The following ANKRD30B variants were observed in gnomAD, a reference collection of about 807,000 sequenced individuals.
ANKRD30B encodes the protein ankyrin repeat domain-containing protein 30B.
In ANKRD30B, 144 loss-of-function variants were observed where a neutral mutation model predicts 202.2. The observed-to-expected ratio is 0.71, with a 90% CI of 0.62 to 0.82. The LOEUF (loss-of-function observed/expected upper bound fraction) is 0.82, where lower values mean the gene tolerates loss of function less well. Ranked by LOEUF, ANKRD30B falls within the 40% of genes least tolerant of loss-of-function variation. The probability of loss-of-function intolerance (pLI) is 0.00; values close to 1 mark genes in which losing one functional copy is unlikely to be tolerated. For synonymous variants in ANKRD30B, 508 were observed against 561.3 expected, an observed-to-expected ratio of 0.91 and a Z score of 1.34; for missense variants, 1,487 against 1,669.1, an observed-to-expected ratio of 0.89 and a Z score of 1.90.
In ANKRD30B at chr18:14,808,747, A is replaced by T; in HGVS notation, c.2386+3A>T. ...GGACAGAGAAACACTCAAAGCAGGTAAATTTTGTAATTTAAATTTTAATCT... is the reference window on the plus strand; with the variant it reads ...GGACAGAGAAACACTCAAAGCAGGTTAATTTTGTAATTTAAATTTTAATCT... On this transcript the variant is annotated splice_donor_region_variant and intron_variant, in intron 26 of 43. Coordinates refer to ENST00000690538, the MANE Select transcript of ANKRD30B (RefSeq NM_001367607.2). 1.4e-6 allele frequency: 2 copies of T among 1,450,820 alleles called. No homozygotes were observed. Among genetic ancestry groups the T allele is most frequent in the Non-Finnish European group, 1.9e-6 (2 of 1,074,958 alleles). The allele number at this position is 1,450,820 out of a possible 1,614,324, so 89.9% of individuals were successfully genotyped here. A position where few individuals can be genotyped will look rare whatever the true frequency, so the allele number is the denominator to read the frequency against.
In ANKRD30B at chr18:14,784,468, C is replaced by T. The variant is rs181736144; in HGVS notation, c.1605C>T (p.Ala535=). 1,087 of 1,612,900 alleles carry T rather than the reference C, an allele frequency of 6.7e-4. 1 individual carries two copies. The highest frequency in any genetic ancestry group is 8.8e-4 in the Non-Finnish European group (1,033 of 1,179,316). ...TTTCTTCCAAACCCATTTAGCCTGC[C>T]GTTGAAATGCAAAAGACTGTTCCAA... ...LPEKPSAFKP[A]VEMQKTVPNK... Residue 535 remains alanine, a synonymous_variant, in exon 14 of 44, where the codon GCC becomes GCT. Transcript: ENST00000690538.
chr18:14,888,775 C>T, the ANKRD30B span: 18 of 1,128,722 alleles, frequency 1.6e-5, no homozygotes, highest in Non-Finnish European at 2.2e-5. Context: ...TTAGAGGAAT[C>T]CCCTTTTGAT....
At chr18:14,867,577 G>A in the ANKRD30B span, among the ~76,000 whole-genome samples, 628 of 152,320 alleles carry the variant, frequency 4.1e-3, 3 homozygotes, top group Non-Finnish European at 6.8e-3. Flanking sequence ...GTGTTGTGGA[G>A]ACCATCTGGG....
the ANKRD30B span, among the ~76,000 whole-genome samples, chr18:14,870,978 C>G: frequency 1.3e-5 from 2 of 149,086 alleles, no homozygotes; most frequent in Non-Finnish European, 3.0e-5. Context: ...CACCCTAACC[C>G]ACACACTCTC....
intron 3 of ANKRD30B, among the ~76,000 whole-genome samples, chr18:14,754,267 A>G (rs1913971524): frequency 6.6e-6 from 1 of 152,070 alleles, no homozygotes. Context: ...CCTACAGGAA[A>G]CCTCCATTTT....
chr18:14,922,008 A>G, the ANKRD30B span, among the ~76,000 whole-genome samples: 5 of 152,256 alleles, frequency 3.3e-5, no homozygotes, highest in Admixed American at 1.3e-4. Flanking sequence ...ACCAAGAATC[A>G]GGTGAGCAAT....
chr18:14,828,920 T>A (rs1310505247), intron 33 of ANKRD30B, among the ~76,000 whole-genome samples: 1 of 152,210 alleles, frequency 6.6e-6, no homozygotes, highest in Non-Finnish European at 1.5e-5. Flanking sequence ...GGAGAATATC[T>A]ACATATAGAT....
chr18:14,775,918 A>C (rs1397618402), intron 9 of ANKRD30B, among the ~76,000 whole-genome samples: 2 of 152,250 alleles, frequency 1.3e-5, no homozygotes, highest in Non-Finnish European at 2.9e-5. Context: ...AATAGCGCTC[A>C]TATCTACCTC....
intron 41 of ANKRD30B, among the ~76,000 whole-genome samples, chr18:14,851,022 T>G (rs1010675044): frequency 2.0e-5 from 3 of 151,914 alleles, no homozygotes; most frequent in Non-Finnish European, 4.4e-5. Flanking sequence ...TTAACTATAT[T>G]TTTTAGAAAC....
chr18:14,756,267 TA>T (rs1368278038), intron 4 of ANKRD30B, among the ~76,000 whole-genome samples: 2 of 152,364 alleles, frequency 1.3e-5, no homozygotes, highest in East Asian at 3.9e-4. Flanking sequence ...TTTTTTCTTG[TA>T]AATTTGTTTG....
At chr18:14,841,549 A>G (rs1032533464) in intron 37 of ANKRD30B, among the ~76,000 whole-genome samples, 15 of 152,344 alleles carry the variant, frequency 9.8e-5, no homozygotes, top group African/African-American at 2.4e-4. Flanking sequence ...GTAAAGAAAT[A>G]GTAATTACAG....
At position 14,757,910 on chromosome 18, in the gene ANKRD30B, G is replaced by T; in HGVS notation, c.713G>T (p.Gly238Val). The T allele has an allele frequency of 6.2e-7, 1 of 1,610,368 alleles. No homozygotes were observed. The highest frequency in any genetic ancestry group is 8.5e-7 in the Non-Finnish European group (1 of 1,177,950). The stretch of plus-strand genomic sequence containing the variant: ...GACGTCTTTGCTGAAGACATACATG[G>T]AATAACTGCAGAACGTTATGCTGCT... ...NVDVFAEDIH[G>V]ITAERYAAAC... Residue 238 changes from glycine (G) to valine (V), a missense_variant, in exon 5 of 44, where the codon GGA becomes GTA. By Grantham distance (109) the Gly-to-Val change is moderately radical. Transcript: ENST00000690538.
At chr18:14,830,144 G>A (rs924708918) in intron 33 of ANKRD30B, 2 of 154,670 alleles carry the variant, frequency 1.3e-5, no homozygotes, top group African/African-American at 4.8e-5. Flanking sequence ...ATATTTAAAG[G>A]TTGGAGACTG....
chr18:14,827,788 T>A (rs908455769), intron 32 of ANKRD30B, among the ~76,000 whole-genome samples: 2 of 152,224 alleles, frequency 1.3e-5, no homozygotes, highest in African/African-American at 4.8e-5. Context: ...GTCAGTCTTA[T>A]AGGGTTCTGT....
chr18:14,769,287 T>C (rs749948743), intron 7 of ANKRD30B, 56 bp from the exon 8 acceptor site: 104 of 1,322,820 alleles, frequency 7.9e-5, no homozygotes, highest in Non-Finnish European at 1.0e-4. Flanking sequence ...GTTAATACTC[T>C]GTATTTTCTA....
At chr18:14,868,218 G>A in the ANKRD30B span, among the ~76,000 whole-genome samples, 1 of 152,294 alleles carries the variant, frequency 6.6e-6, no homozygotes, top group Non-Finnish European at 1.5e-5. Flanking sequence ...GGAGGGCTTT[G>A]GGGCCTGGCC....
At position 14,754,955 on chromosome 18, in the gene ANKRD30B, A is replaced by AT; in HGVS notation, c.572dup (p.Leu191PhefsTer12). 1 of 1,555,260 alleles carries AT rather than the reference A, an allele frequency of 6.4e-7. No homozygotes were observed. The highest frequency in any genetic ancestry group is 2.4e-5 in the East Asian group (1 of 41,788). The stretch of plus-strand genomic sequence containing the variant: ...AGAAAAGAAGCAAGCAAACTGTGGA[A>AT]TTTTTACTAACAAAAAATGCAAATG... On this transcript the variant is annotated frameshift_variant, in exon 4 of 44. Coordinates refer to ENST00000690538, the MANE Select transcript of ANKRD30B (RefSeq NM_001367607.2). LOFTEE classifies it high-confidence loss of function.
At chr18:14,865,922 G>A in the ANKRD30B span, among the ~76,000 whole-genome samples, 12 of 152,100 alleles carry the variant, frequency 7.9e-5, no homozygotes, top group Non-Finnish European at 1.5e-4. Context: ...CACCATTTAT[G>A]TACTGAGGTT....
chr18:14,863,103 C>G, the ANKRD30B span, among the ~76,000 whole-genome samples: 1 of 152,160 alleles, frequency 6.6e-6, no homozygotes, highest in African/African-American at 2.4e-5. Flanking sequence ...GATGCTGAAA[C>G]AGCTTGAGAT....
Sources: allele counts gnomAD v4.1 joint callset (sites outside exome capture counted in the v4.1 genomes callset), GRCh38; gene constraint gnomAD v4.1.1; transcripts MANE v1.5; gene names NCBI Gene and HGNC (gene_info 2026-07-23, HGNC 2026-07-21).